CHMP5: variants seen among roughly 807,000 people sequenced by gnomAD.
The protein encoded by CHMP5 is charged multivesicular body protein 5, also known as SNF7 domain containing 2.
CHMP5 carries 17 observed loss-of-function variants against 33.0 expected under a neutral mutation model. The ratio of observed to expected loss-of-function variants is 0.52; its 90% CI spans 0.35 to 0.77. CHMP5 has a LOEUF of 0.77. Among genes scored for constraint, CHMP5 ranks in the 30% least tolerant of loss-of-function variants. The probability of loss-of-function intolerance (pLI) is 0.01; values close to 1 mark genes in which losing one functional copy is unlikely to be tolerated. For synonymous variants in CHMP5, 76 were observed against 90.2 expected, an observed-to-expected ratio of 0.84 and a Z score of 0.89; for missense variants, 216 against 261.5, an observed-to-expected ratio of 0.83 and a Z score of 1.20.
chr9:33,280,491 C>T (rs772412765), intron 7 of CHMP5, among the ~76,000 whole-genome samples: 1 of 152,152 alleles, frequency 6.6e-6, no homozygotes, highest in Non-Finnish European at 1.5e-5. Context: ...GGCAAGGACC[C>T]ACTCCTCAAC....
rs1242936222 is a variant in CHMP5, at chr9:33,272,408, AAAGAG to A, written c.387+1187_387+1191del. On this transcript the variant is annotated intron_variant, in intron 5 of 7. Coordinates refer to ENST00000223500, the MANE Select transcript of CHMP5 (RefSeq NM_016410.6). ...GGAGATAAAGCAAAAAAAAAAAAAA[AAAGAG>A]AGAAAGCAGTACAGCCTGATTCAAG... Among the ~76,000 whole-genome samples, 11 of 151,984 alleles carry A rather than the reference AAAGAG, an allele frequency of 7.2e-5. 1 individual carries two copies. In the East Asian group the frequency reaches 9.7e-4, roughly 13 times the overall value.
At chr9:33,270,449 T>C (rs1309521659) in intron 3 of CHMP5, among the ~76,000 whole-genome samples, 174 bp from the exon 4 acceptor site, 1 of 152,200 alleles carries the variant, frequency 6.6e-6, no homozygotes, top group East Asian at 1.9e-4. Flanking sequence ...TCAAATGATA[T>C]TTGTGTTAGA....
chr9:33,270,427 T>G (rs917627131), intron 3 of CHMP5, among the ~76,000 whole-genome samples, 196 bp from the exon 4 acceptor site: 3 of 152,196 alleles, frequency 2.0e-5, no homozygotes, highest in Non-Finnish European at 2.9e-5. Context: ...GGAAAAAGAC[T>G]GGAGGGACAC....
chr9:33,271,884 G>A (rs1216162973), intron 5 of CHMP5, among the ~76,000 whole-genome samples: 1 of 152,172 alleles, frequency 6.6e-6, no homozygotes, highest in Non-Finnish European at 1.5e-5. Flanking sequence ...TATTTAGTCT[G>A]TTTCTTCGAT....
intron 1 of CHMP5, among the ~76,000 whole-genome samples, chr9:33,265,650 T>G (rs1820707162): frequency 6.6e-6 from 1 of 152,184 alleles, no homozygotes; most frequent in Non-Finnish European, 1.5e-5. Context: ...AGATCTACAA[T>G]CAGCTGGTTT....
intron 5 of CHMP5, among the ~76,000 whole-genome samples, chr9:33,274,757 A>C (rs1049726571): frequency 4.6e-5 from 7 of 152,166 alleles, no homozygotes; most frequent in African/African-American, 1.7e-4. Context: ...CTGGGATTAC[A>C]GGCGCATGCC....
Position 33,280,745 on chromosome 9 carries a change from G to C in CHMP5, c.610-64G>C. ...AATGAGTTTTAACTATTAAATGTTT[G>C]TAATCCTTTTTTTTTTTATCAAATA... On this transcript the variant is annotated intron_variant, in intron 7 of 7. Transcript: ENST00000223500. 21 of 1,404,676 alleles carry C rather than the reference G, an allele frequency of 1.5e-5. No individual in the cohort carries two copies. In the South Asian group the frequency reaches 2.4e-4, roughly 16 times the overall value. The allele number at this position is 1,404,676 out of a possible 1,614,324, so 87.0% of individuals were successfully genotyped here.
intron 5 of CHMP5, among the ~76,000 whole-genome samples, chr9:33,273,821 G>A (rs935184611): frequency 1.5e-4 from 22 of 151,686 alleles, no homozygotes; most frequent in Non-Finnish European, 7.4e-5. Context: ...GTCTTGCTAG[G>A]AATCCTATTC....
intron 1 of CHMP5, 80 bp from the exon 2 acceptor site, chr9:33,265,930 G>T: frequency 1.2e-6 from 1 of 863,320 alleles, no homozygotes. Context: ...TTCTTCCTCT[G>T]TATTCCTTCC....
In CHMP5 at chr9:33,270,626, T is replaced by C. The variant is rs1475540040; in HGVS notation, c.225T>C (p.Tyr75=). 6.2e-7 allele frequency: 1 copy of C among 1,613,796 alleles called. No homozygotes were observed. The highest frequency in any genetic ancestry group is 2.2e-5 in the East Asian group (1 of 44,874). The change falls in exon 4 of 8, where the codon TAT becomes TAC. Residue 75 remains tyrosine, a synonymous_variant. Transcript: ENST00000223500. ...ATTCTCAATTGACTCTAAAAAGGTATGAGCAGCAGCGGGACAATCTTGCCC... is the reference window on the plus strand; with the variant it reads ...ATTCTCAATTGACTCTAAAAAGGTACGAGCAGCAGCGGGACAATCTTGCCC... ...ALRVLKQKRM[Y]EQQRDNLAQQ... is the part of the protein sequence containing the mutation.
chr9:33,266,387 G>A lies in CHMP5; in HGVS notation c.174+273G>A, dbSNP rs375687130. Among the ~76,000 whole-genome samples, 12 of 152,190 alleles carry A rather than the reference G, an allele frequency of 7.9e-5. No homozygotes were observed. In the South Asian group the frequency reaches 2.5e-3, roughly 31 times the overall value. ...CTCAGGAGGCTGAGGCAGGAGAATC[G>A]CTTGAACCTGGGAGGCGGAGGTTGC... On this transcript the variant is annotated intron_variant, in intron 2 of 7. Coordinates refer to ENST00000223500, the MANE Select transcript of CHMP5 (RefSeq NM_016410.6).
chr9:33,265,514 C>T lies in CHMP5; in HGVS notation c.69+367C>T, dbSNP rs77174756. Reference sequence around the variant, plus strand: ...TCTTCCATCTGTCATCCCCAGTCCACATCAGGACTCAGCTTGATATCCTAG... The same window carrying T: ...TCTTCCATCTGTCATCCCCAGTCCATATCAGGACTCAGCTTGATATCCTAG... On this transcript the variant is annotated intron_variant, in intron 1 of 7. Transcript: ENST00000223500. 3.3e-3 allele frequency among the ~76,000 whole-genome samples: 506 copies of T among 152,324 alleles called. 2 individuals are homozygous for T. Among genetic ancestry groups the T allele is most frequent in the Non-Finnish European group, 5.0e-3 (337 of 68,034 alleles).
At position 33,280,951 on chromosome 9, in the gene CHMP5, G is replaced by A; in HGVS notation, c.*92G>A. 1 of 1,061,136 alleles carries A rather than the reference G, an allele frequency of 9.4e-7. No individual in the cohort carries two copies. Among genetic ancestry groups the A allele is most frequent in the Non-Finnish European group, 1.4e-6 (1 of 734,538 alleles). 65.7% of individuals were successfully genotyped at this position (1,061,136 alleles called of 1,614,324 possible). On this transcript the variant is annotated 3_prime_UTR_variant, in exon 8 of 8. Transcript: ENST00000223500. ...TCCAAATTTGCCATAACAGATTTAGGTTTCTTTCCTTTCTTTGAAGGAAAG... is the reference window on the plus strand; with the variant it reads ...TCCAAATTTGCCATAACAGATTTAGATTTCTTTCCTTTCTTTGAAGGAAAG...
At chr9:33,268,109 A>G (rs1335543663) in intron 3 of CHMP5, among the ~76,000 whole-genome samples, 2 of 152,228 alleles carry the variant, frequency 1.3e-5, no homozygotes, top group Non-Finnish European at 2.9e-5. Flanking sequence ...GAGATGCTCT[A>G]TATCTGTGTG....
intron 3 of CHMP5, 101 bp downstream of exon 3, chr9:33,268,000 T>C: frequency 2.5e-6 from 2 of 794,874 alleles, no homozygotes; most frequent in Non-Finnish European, 2.1e-6. Flanking sequence ...GCACTCTTGA[T>C]TTAATTACAA....
At chr9:33,277,190 C>CAAAAAA (rs59657807) in intron 6 of CHMP5, among the ~76,000 whole-genome samples, 19 of 53,310 alleles carry the variant, frequency 3.6e-4, no homozygotes, top group East Asian at 5.2e-4. Context: ...GACCTTCTCT[C>CAAAAAA]AAAAAAAAAA....
rs1820716772 is a variant in CHMP5 at position 33,266,047 on chromosome 9, C to T, written c.107C>T (p.Ser36Phe). 2 of 1,613,344 alleles carry T rather than the reference C, an allele frequency of 1.2e-6. No individual in the cohort carries two copies. Among genetic ancestry groups the T allele is most frequent in the Admixed American group, 3.3e-5 (2 of 59,994 alleles). ...SRAESIDKKI[S>F]RLDAELVKYK... ...GCAGAATCCATTGACAAGAAGATTT[C>T]TCGATTGGATGCTGAGCTAGTGAAG... The change falls in exon 2 of 8, where the codon TCT becomes TTT. Residue 36 changes from serine to phenylalanine, a missense_variant. Transcript: ENST00000223500.
intron 5 of CHMP5, among the ~76,000 whole-genome samples, chr9:33,272,361 T>C (rs1820804009): frequency 6.7e-6 from 1 of 148,284 alleles, no homozygotes; most frequent in Non-Finnish European, 1.5e-5. Context: ...ATTTGCTGGT[T>C]GATGAATCAG....
intron 3 of CHMP5, among the ~76,000 whole-genome samples, chr9:33,269,586 A>G (rs933798323): frequency 6.6e-6 from 1 of 152,204 alleles, no homozygotes; most frequent in Non-Finnish European, 1.5e-5. Context: ...CCATTTAGCT[A>G]TATGTATGAA....
Sources: gnomAD v4.1 joint callset for allele counts (sites outside exome capture counted in the v4.1 genomes callset) on GRCh38, gnomAD v4.1.1 for gene constraint, MANE v1.5 for transcripts, NCBI Gene and HGNC (gene_info 2026-07-23, HGNC 2026-07-21) for gene names.